Variants in HHIPL1 observed in about 807,000 individuals in gnomAD.
HHIPL1 encodes the protein HHIP-like protein 1.
In HHIPL1, 43 loss-of-function variants were observed where a neutral mutation model predicts 61.8. The ratio of observed to expected loss-of-function variants is 0.70; its 90% confidence interval spans 0.55 to 0.90. The LOEUF (loss-of-function observed/expected upper bound fraction) is 0.90, where lower values mean the gene tolerates loss of function less well. Among genes scored for constraint, HHIPL1 ranks in the 40% least tolerant of loss-of-function variants. The probability of loss-of-function intolerance (pLI) is 0.00; values close to 1 mark genes in which losing one functional copy is unlikely to be tolerated. For missense variants in HHIPL1, 1,056 were observed against 1,157.7 expected (o/e 0.91, Z 1.28); for synonymous variants, 482 against 515.8 (o/e 0.93, Z 0.89).
At chr14:99,650,986 C>T (rs10145693) in intron 1 of HHIPL1, among the ~76,000 whole-genome samples, 4,954 of 152,298 alleles carry the variant, frequency 0.033, 266 homozygotes, top group African/African-American at 0.11. Context: ...CAGTTGCTCA[C>T]GCCTGTAATC....
intron 2 of HHIPL1, among the ~76,000 whole-genome samples, chr14:99,655,548 C>T (rs1023425498): frequency 3.3e-5 from 5 of 152,078 alleles, no homozygotes; most frequent in African/African-American, 1.2e-4. Context: ...CCCTTGATCC[C>T]AGGAGTTCGA....
intron 1 of HHIPL1, among the ~76,000 whole-genome samples, chr14:99,648,853 C>T (rs908141251): frequency 1.4e-4 from 22 of 152,188 alleles, no homozygotes; most frequent in Non-Finnish European, 2.4e-4. Context: ...AAAAAATGAA[C>T]GGTGGACATA....
chr14:99,645,032 C>G (rs1176944407), upstream of HHIPL1: 2 of 484,232 alleles, frequency 4.1e-6, no homozygotes, highest in Non-Finnish European at 3.2e-6. Flanking sequence ...CGTCCCTCTT[C>G]CTTCAGTCCC....
At chr14:99,646,050 C>A (rs1031039610) in intron 1 of HHIPL1, among the ~76,000 whole-genome samples, 1 of 152,250 alleles carries the variant, frequency 6.6e-6, no homozygotes, top group African/African-American at 2.4e-5. Context: ...GGGATGGCGC[C>A]CTGGCCTGCA....
chr14:99,651,967 G>A (rs2055937962), intron 1 of HHIPL1, among the ~76,000 whole-genome samples: 1 of 152,136 alleles, frequency 6.6e-6, no homozygotes. Flanking sequence ...CTGGCATACG[G>A]CAGGTGCTCC....
At chr14:99,626,465 G>A in the HHIPL1 span, among the ~76,000 whole-genome samples, 8 of 152,194 alleles carry the variant, frequency 5.3e-5, no homozygotes, top group African/African-American at 1.2e-4. Flanking sequence ...TGCAGGACAC[G>A]GCCCATCCAG....
At chr14:99,636,996 GAAAGAAGAAAGAAAGAAAGAAAGA>G in the HHIPL1 span, among the ~76,000 whole-genome samples, 1 of 78,064 alleles carries the variant, frequency 1.3e-5, no homozygotes, top group Non-Finnish European at 2.5e-5. Context: ...AAAGAAGAAA[GAAAGAAGAAAGAAAGAAAGAAAGA>G]AAGAAAGAAA....
Position 99,678,569 on chromosome 14 carries a change from GA to G in HHIPL1, c.*2944del, listed in dbSNP as rs2056412298. The G allele has an allele frequency of 6.6e-6, 1 of 152,294 alleles. No individual in the cohort carries two copies. The highest frequency in any genetic ancestry group is 1.9e-4 in the East Asian group (1 of 5,192). 9.4% of individuals were successfully genotyped at this position (152,294 alleles called of 1,614,324 possible). ...GACCGCACAATCTAAACTAAAACCC[GA>G]TTGGCTGTTTAAAATTTTTCTAAAT... On this transcript the variant is annotated 3_prime_UTR_variant, in exon 9 of 9. Transcript: ENST00000330710.
rs2056149748 is a variant in HHIPL1, at chr14:99,661,411, G to GGA, written c.1502+1005_1502+1006insGA. ...AGAAAGAGAGAGAAAGAAAGAGAGAGAGAGAGAAAAGAAGGAAGGAAGGAA... is the reference window on the plus strand; with the variant it reads ...AGAAAGAGAGAGAAAGAAAGAGAGAGGAAGAGAGAAAAGAAGGAAGGAAGGAA... On this transcript the variant is annotated intron_variant, in intron 5 of 8. Coordinates refer to ENST00000330710, the MANE Select transcript of HHIPL1 (RefSeq NM_001127258.3). Among the ~76,000 whole-genome samples the GGA allele has an allele frequency of 8.3e-5, 6 of 72,002 alleles. No homozygotes were observed. In the South Asian group the frequency reaches 1.2e-3, roughly 14 times the overall value. The allele number at this position is 72,002 out of a possible 152,430, so 47.2% of individuals were successfully genotyped here.
chr14:99,611,961 G>A, the HHIPL1 span, among the ~76,000 whole-genome samples: 5 of 152,260 alleles, frequency 3.3e-5, no homozygotes, highest in African/African-American at 1.2e-4. Flanking sequence ...CCCATCCTCG[G>A]TGATGTCTAG....
In HHIPL1 at chr14:99,660,335, G is replaced by T. The variant is rs111961597; in HGVS notation, c.1431G>T (p.Gly477=). Residue 477 remains glycine (G), a synonymous_variant, in exon 5 of 9, where the codon GGG becomes GGT. Transcript: ENST00000330710. This position sits in a 1 kb window ranked among gnomAD's most constrained non-coding sequence, Gnocchi z 4.9. ...ACACGGTTGGCAAGTCGGTCACAGGGGGCTACGTGTACCGGGGCTGCGAGT... is the reference window on the plus strand; with the variant it reads ...ACACGGTTGGCAAGTCGGTCACAGGTGGCTACGTGTACCGGGGCTGCGAGT... The part of the protein sequence containing the change: ...YPHTVGKSVT[G]GYVYRGCEYP... 163 of 1,614,112 alleles carry T rather than the reference G, an allele frequency of 1.0e-4. No homozygotes were observed. The African/African-American group carries it at 2.0e-3, about 20-fold the overall frequency.
rs1403134410 is a variant in HHIPL1, at chr14:99,675,504, G to A, written c.2227G>A (p.Val743Met). Residue 743 changes from valine to methionine, a missense_variant, in exon 9 of 9, where the codon GTG becomes ATG. Transcript: ENST00000330710. The surrounding 1 kb of genome is among the most constrained non-coding windows in gnomAD (Gnocchi z 5.4). ...CTCGCTGCCCATTCTGCTGGACGAT[G>A]TGCGCTGCGCGGGCTGGGAGCGGAA... Reference protein sequence around the residue: ...GGSLPILLDDVRCAGWERNLL... With the variant: ...GGSLPILLDDMRCAGWERNLL... 4 of 1,542,934 alleles carry A rather than the reference G, an allele frequency of 2.6e-6. No individual in the cohort carries two copies. The highest frequency in any genetic ancestry group is 3.5e-6 in the Non-Finnish European group (4 of 1,146,560).
At chr14:99,674,341 G>A (rs546202986) in intron 8 of HHIPL1, among the ~76,000 whole-genome samples, 1 of 151,620 alleles carries the variant, frequency 6.6e-6, no homozygotes, top group East Asian at 1.9e-4. Flanking sequence ...GCTGACCTGG[G>A]CCAAGCGTGT....
chr14:99,647,781 G>A (rs1026768623), intron 1 of HHIPL1, among the ~76,000 whole-genome samples: 1 of 152,208 alleles, frequency 6.6e-6, no homozygotes, highest in African/African-American at 2.4e-5. Context: ...GTCTCTGTCA[G>A]TGTGGAGGCA....
At chr14:99,631,452 A>G in the HHIPL1 span, among the ~76,000 whole-genome samples, 1 of 152,050 alleles carries the variant, frequency 6.6e-6, no homozygotes, top group Non-Finnish European at 1.5e-5. Context: ...GACACAGTTC[A>G]GCCCGTAACT....
the HHIPL1 span, among the ~76,000 whole-genome samples, chr14:99,619,078 C>T: frequency 6.6e-6 from 1 of 152,128 alleles, no homozygotes; most frequent in African/African-American, 2.4e-5. Context: ...CTCACCGAGC[C>T]TCACCATGAT....
At chr14:99,613,684 A>G in the HHIPL1 span, among the ~76,000 whole-genome samples, 3 of 151,932 alleles carry the variant, frequency 2.0e-5, no homozygotes, top group Non-Finnish European at 4.4e-5. Context: ...CGAGGTGGGC[A>G]GATCACTTGA....
In HHIPL1 at chr14:99,668,148, C is replaced by G. The variant is rs73348577; in HGVS notation, c.1649-74C>G. On this transcript the variant is annotated intron_variant, in intron 6 of 8. Coordinates refer to ENST00000330710, the MANE Select transcript of HHIPL1 (RefSeq NM_001127258.3). This position sits in a 1 kb window ranked among gnomAD's most constrained non-coding sequence, Gnocchi z 4.7. ...GTCTATTTCCAAGCCTGCAGGGAGC[C>G]GGGTGGTGAGGCGGGGCTGGCTGGG... 9,744 of 882,830 alleles carry G rather than the reference C, an allele frequency of 0.011. 559 individuals carry two copies. In the African/African-American group the frequency reaches 0.14, roughly 12 times the overall value. The allele number at this position is 882,830 out of a possible 1,614,324, so 54.7% of individuals were successfully genotyped here.
intron 2 of HHIPL1, among the ~76,000 whole-genome samples, chr14:99,656,386 G>C (rs970305561): frequency 6.6e-6 from 1 of 152,156 alleles, no homozygotes; most frequent in East Asian, 1.9e-4. Context: ...ACCTCTCTGA[G>C]CCTTTAGGTC....
Sources: gnomAD v4.1 joint callset for allele counts (sites outside exome capture counted in the v4.1 genomes callset) on GRCh38, gnomAD v4.1.1 for gene constraint, Gnocchi (gnomAD v3.1) non-coding constraint, MANE v1.5 for transcripts, NCBI Gene and HGNC (gene_info 2026-07-23, HGNC 2026-07-21) for gene names.